The following PLCB4 variants were observed in gnomAD, a reference collection of about 807,000 sequenced individuals.
PLCB4 encodes the protein 1-phosphatidylinositol 4,5-bisphosphate phosphodiesterase beta-4.
Under a neutral mutation model 178.8 loss-of-function variants are expected in PLCB4, and 77 were observed. The observed-to-expected ratio is 0.43, with a 90% confidence interval of 0.36 to 0.52. The LOEUF (loss-of-function observed/expected upper bound fraction) is 0.52. Ranked by LOEUF, PLCB4 falls within the 20% of genes least tolerant of loss-of-function variation. PLCB4 has a pLI of 0.00. For missense variants in PLCB4, 1,024 were observed against 1,453.4 expected (o/e 0.70, Z 4.80); for synonymous variants, 496 against 490.8 (o/e 1.01, Z -0.14).
chr20:9,343,935 C>T (rs1231360924), intron 7 of PLCB4, among the ~76,000 whole-genome samples: 1 of 152,234 alleles, frequency 6.6e-6, no homozygotes, highest in African/African-American at 2.4e-5. Context: ...GACACAGTGG[C>T]CCAGGCCAAT....
At position 9,324,626 on chromosome 20, in the gene PLCB4, G is replaced by A. The variant is rs1049166727; in HGVS notation, c.85-12500G>A. The stretch of plus-strand genomic sequence containing the variant: ...CCTCAGGATAAGCCTCCAGGACTCT[G>A]CTGCCATTTCCTGAGGCCGACTCTG... On this transcript the variant is annotated intron_variant, in intron 4 of 39. Coordinates refer to ENST00000378473, the MANE Select transcript of PLCB4 (RefSeq NM_001377142.1). Among the ~76,000 whole-genome samples the A allele has an allele frequency of 3.9e-5, 6 of 152,300 alleles. No homozygotes were observed. In the East Asian group the frequency reaches 7.7e-4, roughly 20 times the overall value.
At chr20:9,321,288 G>A (rs140100965) in intron 4 of PLCB4, among the ~76,000 whole-genome samples, 51 of 152,282 alleles carry the variant, frequency 3.3e-4, no homozygotes, top group Admixed American at 7.2e-4. Flanking sequence ...TGGAGCTAGC[G>A]TCCAGAACTA....
chr20:9,300,205 T>G (rs1389155155), intron 3 of PLCB4, among the ~76,000 whole-genome samples: 11 of 152,152 alleles, frequency 7.2e-5, no homozygotes. Context: ...TTGTGGTCAG[T>G]GGAAATTTTA....
rs1156795655 is a variant in PLCB4 at position 9,373,124 on chromosome 20, A to C, written c.744+20A>C. On this transcript the variant is annotated intron_variant, in intron 12 of 39. Coordinates refer to ENST00000378473, the MANE Select transcript of PLCB4 (RefSeq NM_001377142.1). ...AATGAAGTAAGCTTTTTCATACATT[A>C]ACTCCATAAAGTCTGTGTGCAGTGG... is the stretch of plus-strand genomic sequence containing the variant. 7.8e-7 allele frequency: 1 copy of C among 1,274,814 alleles called. No individual in the cohort carries two copies. The highest frequency in any genetic ancestry group is 1.5e-5 in the African/African-American group (1 of 68,506). 79.0% of individuals were successfully genotyped at this position (1,274,814 alleles called of 1,614,324 possible).
At chr20:9,476,782 G>A (rs557069382) in intron 39 of PLCB4, 29 bp downstream of exon 39, 18 of 1,537,592 alleles carry the variant, frequency 1.2e-5, no homozygotes, top group Admixed American at 5.0e-5. Flanking sequence ...TAAGCAAGAC[G>A]TTGCTTTCCT....
intron 20 of PLCB4, among the ~76,000 whole-genome samples, chr20:9,402,853 C>T (rs1042536137): frequency 6.6e-6 from 1 of 152,150 alleles, no homozygotes; most frequent in Non-Finnish European, 1.5e-5. Context: ...AGAAAGAATT[C>T]AGGAGTTTCA....
chr20:9,094,487 T>C (rs567816828), intron 1 of PLCB4, among the ~76,000 whole-genome samples: 1 of 152,312 alleles, frequency 6.6e-6, no homozygotes, highest in South Asian at 2.1e-4. Flanking sequence ...TTTCTCTCTG[T>C]ATTTTCACAA....
intron 25 of PLCB4, among the ~76,000 whole-genome samples, chr20:9,417,994 A>G (rs117098225): frequency 0.017 from 2,654 of 152,182 alleles, 36 homozygotes; most frequent in South Asian, 0.026. Context: ...GGTTTTTTGT[A>G]TATCTTATTT....
intron 3 of PLCB4, among the ~76,000 whole-genome samples, chr20:9,251,079 G>A (rs1310490382): frequency 1.3e-5 from 2 of 152,148 alleles, no homozygotes; most frequent in Admixed American, 1.3e-4. Flanking sequence ...GTTGGGCAAG[G>A]GACAAATTTC....
intron 1 of PLCB4, among the ~76,000 whole-genome samples, chr20:9,086,930 T>G (rs1600300180): frequency 6.6e-6 from 1 of 152,322 alleles, no homozygotes; most frequent in South Asian, 2.1e-4. Context: ...TCATGAAGTG[T>G]TTCTCTTTGT....
intron 1 of PLCB4, among the ~76,000 whole-genome samples, chr20:9,091,901 A>G (rs541831711): frequency 6.6e-6 from 1 of 152,072 alleles, no homozygotes; most frequent in South Asian, 2.1e-4. Flanking sequence ...TTGCTTCTTC[A>G]TTCATTCAGC....
intron 3 of PLCB4, among the ~76,000 whole-genome samples, chr20:9,225,012 A>C (rs904172404): frequency 2.0e-5 from 3 of 152,164 alleles, no homozygotes; most frequent in Non-Finnish European, 4.4e-5. Context: ...CCAGCTGTGT[A>C]AGAGTTTAGG....
chr20:9,145,880 G>A (rs962624028), intron 2 of PLCB4, among the ~76,000 whole-genome samples: 2 of 152,074 alleles, frequency 1.3e-5, no homozygotes, highest in Non-Finnish European at 2.9e-5. Context: ...CTTCCAGGAA[G>A]CAGTACTGTC....
intron 3 of PLCB4, 55 bp from the exon 4 acceptor site, chr20:9,307,745 T>A: frequency 1.4e-6 from 1 of 736,714 alleles, no homozygotes; most frequent in South Asian, 1.9e-5. Context: ...TGATTAACCA[T>A]CCTCAATTGT....
chr20:9,393,158 A>G (rs1238347392), intron 17 of PLCB4, among the ~76,000 whole-genome samples: 1 of 152,188 alleles, frequency 6.6e-6, no homozygotes, highest in East Asian at 1.9e-4. Context: ...CTCAGCAGAC[A>G]GGCTTACTAT....
At chr20:9,220,688 T>C (rs747461763) in intron 3 of PLCB4, among the ~76,000 whole-genome samples, 1 of 152,224 alleles carries the variant, frequency 6.6e-6, no homozygotes, top group African/African-American at 2.4e-5. Context: ...GTGTTAGGCA[T>C]GCAGCTCACC....
At chr20:9,165,793 T>TTG (rs3036061) in intron 2 of PLCB4, among the ~76,000 whole-genome samples, 18,228 of 139,586 alleles carry the variant, frequency 0.13, 1,107 homozygotes, top group African/African-American at 0.15. Context: ...CTGGGGCTGT[T>TTG]TGTGTGTGTG....
rs143261878 is a variant in PLCB4 at position 9,377,299 on chromosome 20, G to T, written c.745-2755G>T. Among the ~76,000 whole-genome samples the T allele has an allele frequency of 1.5e-3, 235 of 152,130 alleles. 1 individual carries two copies. The highest frequency in any genetic ancestry group is 6.8e-3 in the Middle Eastern group (2 of 294). Reference sequence around the variant, plus strand: ...ATGGGGTGAATAACCTGAGTAACTTGTTTCCCCAAATCCTGGCTGAAAACT... The same window carrying T: ...ATGGGGTGAATAACCTGAGTAACTTTTTTCCCCAAATCCTGGCTGAAAACT... On this transcript the variant is annotated intron_variant, in intron 12 of 39. Transcript: ENST00000378473.
Position 9,141,756 on chromosome 20 carries a change from A to G in PLCB4, c.-79+45414A>G, listed in dbSNP as rs1422077184. On this transcript the variant is annotated intron_variant, in intron 2 of 39. Transcript: ENST00000378473. ...CAGTGCAACAATCAGATAAGAAGGG[A>G]ATAATAGGAATTAAATGGGGGATGG... Among the ~76,000 whole-genome samples, 3 of 152,078 alleles carry G rather than the reference A, an allele frequency of 2.0e-5. No individual in the cohort carries two copies. The East Asian group carries it at 5.8e-4, about 29-fold the overall frequency.
Sources: gnomAD v4.1 joint callset for allele counts (sites outside exome capture counted in the v4.1 genomes callset) on GRCh38, gnomAD v4.1.1 for gene constraint, MANE v1.5 for transcripts, NCBI Gene and HGNC (gene_info 2026-07-23, HGNC 2026-07-21) for gene names.